PTPRD: variants seen among roughly 807,000 people sequenced by gnomAD.
The protein encoded by PTPRD is receptor-type tyrosine-protein phosphatase delta.
Under a neutral mutation model 214.5 loss-of-function variants are expected in PTPRD, and 34 were observed. The ratio of observed to expected loss-of-function variants is 0.16; its 90% CI spans 0.12 to 0.21. The LOEUF (loss-of-function observed/expected upper bound fraction) is 0.21, where lower values mean the gene tolerates loss of function less well. Ranked by LOEUF, PTPRD falls within the 10% of genes least tolerant of loss-of-function variation. The pLI, the probability that PTPRD is intolerant of heterozygous loss-of-function variation, is 1.00. For missense variants in PTPRD, 2,545 were observed against 2,398.7 expected, an observed-to-expected ratio of 1.06 and a Z score of -1.27; for synonymous variants, 1,128 against 845.7, an observed-to-expected ratio of 1.33 and a Z score of -5.79.
chr9:10,550,243 G>A (rs898896063), intron 2 of PTPRD, among the ~76,000 whole-genome samples: 5 of 152,036 alleles, frequency 3.3e-5, no homozygotes, highest in Non-Finnish European at 7.4e-5. Context: ...ACTATTAACT[G>A]ACAAAATAAA....
intron 9 of PTPRD, among the ~76,000 whole-genome samples, chr9:9,192,201 T>C (rs942890447): frequency 2.6e-5 from 4 of 151,800 alleles, no homozygotes; most frequent in African/African-American, 9.7e-5. Context: ...AGAGAGTTAA[T>C]GTTAAATTTT....
chr9:8,568,808 T>C (rs2090214376), intron 14 of PTPRD, among the ~76,000 whole-genome samples: 1 of 152,058 alleles, frequency 6.6e-6, no homozygotes, highest in Non-Finnish European at 1.5e-5. Context: ...AATATGAATA[T>C]TTTAGAAAAT....
intron 8 of PTPRD, among the ~76,000 whole-genome samples, chr9:9,551,278 C>T (rs1224737676): frequency 6.6e-6 from 1 of 151,874 alleles, no homozygotes; most frequent in African/African-American, 2.4e-5. Flanking sequence ...TCTTATAAAG[C>T]TGACAAACGG....
intron 12 of PTPRD, among the ~76,000 whole-genome samples, chr9:8,677,418 G>C (rs528212186): frequency 6.6e-6 from 1 of 152,198 alleles, no homozygotes; most frequent in South Asian, 2.1e-4. Flanking sequence ...CTAACACGCA[G>C]GAATGGAAAA....
chr9:9,183,976 CA>C (rs2099929837), intron 9 of PTPRD, among the ~76,000 whole-genome samples: 2 of 152,086 alleles, frequency 1.3e-5, no homozygotes, highest in African/African-American at 4.8e-5. Context: ...AATTTCTCAA[CA>C]GAATAATTTG....
At chr9:9,788,432 G>T (rs2098942183) in intron 5 of PTPRD, among the ~76,000 whole-genome samples, 1 of 151,466 alleles carries the variant, frequency 6.6e-6, no homozygotes, top group African/African-American at 2.4e-5. Context: ...GGCGCCTGTA[G>T]TCCCAGCTGC....
intron 11 of PTPRD, among the ~76,000 whole-genome samples, chr9:8,922,564 T>G (rs550594300): frequency 1.2e-4 from 18 of 152,210 alleles, no homozygotes; most frequent in Non-Finnish European, 2.4e-4. Context: ...TAGGAACTGA[T>G]TCAGAGGCCT....
chr9:8,962,861 T>C (rs2099166265), intron 11 of PTPRD: 1 of 152,104 alleles, frequency 6.6e-6, no homozygotes, highest in Non-Finnish European at 1.5e-5. Flanking sequence ...GAAAACAGTA[T>C]GGAATCATCT....
intron 8 of PTPRD, among the ~76,000 whole-genome samples, chr9:9,478,749 A>T (rs1469921919): frequency 4.6e-5 from 7 of 152,198 alleles, no homozygotes; most frequent in Non-Finnish European, 8.8e-5. Flanking sequence ...GTTGAAAAAA[A>T]ATTTTAAAAC....
intron 34 of PTPRD, among the ~76,000 whole-genome samples, chr9:8,441,735 C>T (rs532865054): frequency 2.3e-4 from 35 of 152,206 alleles, no homozygotes; most frequent in African/African-American, 8.2e-4. Flanking sequence ...CTCCCCTTCT[C>T]TCTAACCTGA....
intron 3 of PTPRD, among the ~76,000 whole-genome samples, chr9:10,089,399 A>G: frequency 6.6e-6 from 1 of 151,722 alleles, no homozygotes; most frequent in South Asian, 2.1e-4. Context: ...TTTTTGTTTT[A>G]AAAAAGTATG....
intron 3 of PTPRD, among the ~76,000 whole-genome samples, chr9:10,320,616 T>C (rs769210531): frequency 3.3e-5 from 5 of 152,092 alleles, no homozygotes; most frequent in Non-Finnish European, 7.4e-5. Context: ...AGGTCTCATA[T>C]TTTAATGACA....
chr9:9,186,394 G>A lies in PTPRD; in HGVS notation c.-202-3031C>T, dbSNP rs144368456. 5.1e-3 allele frequency among the ~76,000 whole-genome samples: 782 copies of A among 152,178 alleles called. 7 individuals carry two copies. The highest frequency in any genetic ancestry group is 0.013 in the African/African-American group (520 of 41,546). ...ACAATCTGACCAGATACAGTTTCTA[G>A]TATTTGTATATGTTCATGAAGCCTG... On this transcript the variant is annotated intron_variant, in intron 9 of 45. Transcript: ENST00000381196.
At chr9:8,409,633 T>C (rs12345027) in intron 35 of PTPRD, among the ~76,000 whole-genome samples, 4,311 of 152,164 alleles carry the variant, frequency 0.028, 202 homozygotes, top group African/African-American at 0.099. Flanking sequence ...TTCTGCAAAA[T>C]TCAACCTTTT....
intron 10 of PTPRD, among the ~76,000 whole-genome samples, chr9:9,122,251 T>G (rs887476837): frequency 2.6e-5 from 4 of 152,196 alleles, no homozygotes; most frequent in Non-Finnish European, 4.4e-5. Context: ...AAGCAACACT[T>G]ATTCAGTATC....
At chr9:9,183,135 T>C (rs183476901) in intron 10 of PTPRD, among the ~76,000 whole-genome samples, 169 bp downstream of exon 10, 2 of 152,164 alleles carry the variant, frequency 1.3e-5, no homozygotes, top group African/African-American at 4.8e-5. Context: ...TAAAGGAAAA[T>C]CTATAGTAAA....
chr9:10,389,181 T>C (rs2097999019), intron 2 of PTPRD, among the ~76,000 whole-genome samples: 1 of 151,788 alleles, frequency 6.6e-6, no homozygotes, highest in Non-Finnish European at 1.5e-5. Context: ...CAAACCCTAT[T>C]AAAGAGAATG....
At chr9:10,235,032 T>G (rs567361143) in intron 3 of PTPRD, among the ~76,000 whole-genome samples, 4 of 151,826 alleles carry the variant, frequency 2.6e-5, no homozygotes, top group Non-Finnish European at 5.9e-5. Flanking sequence ...TTAGCCTTAA[T>G]CATTACACAA....
At chr9:10,475,095 C>T (rs1168030091) in intron 2 of PTPRD, among the ~76,000 whole-genome samples, 1 of 151,592 alleles carries the variant, frequency 6.6e-6, no homozygotes, top group Non-Finnish European at 1.5e-5. Context: ...AAGAGCAAAC[C>T]AATTCAAAAG....
Sources: allele counts gnomAD v4.1 joint callset (sites outside exome capture counted in the v4.1 genomes callset), GRCh38; gene constraint gnomAD v4.1.1; transcripts MANE v1.5; gene names NCBI Gene and HGNC (gene_info 2026-07-23, HGNC 2026-07-21).